The following FAM161B variants were observed in gnomAD, a reference collection of about 807,000 sequenced individuals.
FAM161B encodes FAM161 centrosomal protein B.
A neutral mutation model predicts 61.5 loss-of-function variants in FAM161B; 46 were observed. That is an observed-to-expected ratio of 0.75 (90% confidence interval 0.59 to 0.96). The LOEUF (loss-of-function observed/expected upper bound fraction) is 0.96, where lower values mean the gene tolerates loss of function less well. Ranked by LOEUF, FAM161B falls within the 40% of genes least tolerant of loss-of-function variation. The pLI is 0.00. For missense variants in FAM161B, 774 were observed against 800.7 expected, an observed-to-expected ratio of 0.97 and a Z score of 0.40; for synonymous variants, 284 against 302.7, an observed-to-expected ratio of 0.94 and a Z score of 0.64.
Position 73,950,094 on chromosome 14 carries a change from T to C in FAM161B, c.-68A>G. The C allele has an allele frequency of 1.2e-6, 2 of 1,604,800 alleles. No individual in the cohort carries two copies. The highest frequency in any genetic ancestry group is 1.7e-6 in the Non-Finnish European group (2 of 1,179,930). Reference sequence around the variant, plus strand: ...GCAGCAGCGGTGGCAGCGAGAGCTATGCGGGGCCAGGGTCCACCCCTTTCT... The same window carrying C: ...GCAGCAGCGGTGGCAGCGAGAGCTACGCGGGGCCAGGGTCCACCCCTTTCT... On this transcript the variant is annotated 5_prime_UTR_variant, in exon 1 of 9. Coordinates refer to ENST00000286544, the MANE Select transcript of FAM161B (RefSeq NM_152445.3).
chr14:73,926,011 G>A, the FAM161B span, among the ~76,000 whole-genome samples: 5 of 152,290 alleles, frequency 3.3e-5, no homozygotes, highest in East Asian at 9.6e-4. Flanking sequence ...TCCAGCCTGG[G>A]TGACAGAGTG....
chr14:73,948,708 G>A (rs1017872744), intron 1 of FAM161B, among the ~76,000 whole-genome samples: 2 of 152,010 alleles, frequency 1.3e-5, no homozygotes, highest in Admixed American at 6.6e-5. Flanking sequence ...CACCTTCATC[G>A]CCCTTAAAAG....
intron 1 of FAM161B, among the ~76,000 whole-genome samples, chr14:73,948,093 T>C (rs2056082130): frequency 6.6e-6 from 1 of 152,046 alleles, no homozygotes; most frequent in African/African-American, 2.4e-5. Flanking sequence ...CTGGCTAGTT[T>C]TTGTATTTTT....
chr14:73,948,760 C>T (rs756203076), intron 1 of FAM161B, among the ~76,000 whole-genome samples: 1 of 152,110 alleles, frequency 6.6e-6, no homozygotes, highest in Non-Finnish European at 1.5e-5. Flanking sequence ...TTTCCCCTAA[C>T]CCTCCACACC....
chr14:73,927,841 TTTTTTTTAA>T (rs1203190554), downstream of FAM161B: 6 of 153,718 alleles, frequency 3.9e-5, no homozygotes, highest in South Asian at 9.2e-4. Context: ...AATTTTTTTT[TTTTTTTTAA>T]TTTTTTAGAC....
At chr14:73,941,110 T>C (rs2056014760) in intron 4 of FAM161B, 57 bp from the exon 5 acceptor site, 6 of 204,460 alleles carry the variant, frequency 2.9e-5, no homozygotes, top group Non-Finnish European at 4.4e-5. Flanking sequence ...GTTTCTATCT[T>C]TTTTTTTTTT....
At chr14:73,939,133 C>T (rs1353882801) in intron 5 of FAM161B, among the ~76,000 whole-genome samples, 1 of 151,882 alleles carries the variant, frequency 6.6e-6, no homozygotes, top group Non-Finnish European at 1.5e-5. Flanking sequence ...CCTGTCTCTA[C>T]CAAAACTACA....
At chr14:73,936,192 C>T in intron 7 of FAM161B, 104 bp from the exon 8 acceptor site, 1 of 1,275,222 alleles carries the variant, frequency 7.8e-7, no homozygotes, top group Non-Finnish European at 1.1e-6. Context: ...CACCACCACC[C>T]TTATTGTGGG....
At chr14:73,940,791 C>T in intron 5 of FAM161B, 135 bp downstream of exon 5, 2 of 1,285,770 alleles carry the variant, frequency 1.6e-6, no homozygotes, top group Non-Finnish European at 2.1e-6. Context: ...CGCAATTGTT[C>T]CAGTCCTGAT....
chr14:73,929,649 C>A (rs961554233), downstream of FAM161B, among the ~76,000 whole-genome samples: 1 of 151,796 alleles, frequency 6.6e-6, no homozygotes, highest in Non-Finnish European at 1.5e-5. Context: ...CCAGCCTGGG[C>A]AACACAGGAA....
chr14:73,946,467 C>T lies in FAM161B; in HGVS notation c.193G>A (p.Gly65Arg). 1 of 1,614,166 alleles carries T rather than the reference C, an allele frequency of 6.2e-7. No homozygotes were observed. The highest frequency in any genetic ancestry group is 1.3e-5 in the African/African-American group (1 of 75,032). Residue 65 changes from glycine to arginine, a missense_variant, in exon 2 of 9, where the codon GGG becomes AGG. By Grantham distance (125) the Gly-to-Arg change is moderately radical (BLOSUM62 -2). Transcript: ENST00000286544. ...TCCTGTAAGTTCTGGTAAATGCTCCCAGTTGAGTCAGAAGTAGAATCTATC... is the reference window on the plus strand; with the variant it reads ...TCCTGTAAGTTCTGGTAAATGCTCCTAGTTGAGTCAGAAGTAGAATCTATC... ...EEIDSTSDSTGSIYQNLQELK... is the reference protein window; with the variant it reads ...EEIDSTSDSTRSIYQNLQELK...
At chr14:73,923,632 C>A in the FAM161B span, 1 of 1,398,938 alleles carries the variant, frequency 7.1e-7, no homozygotes, top group Non-Finnish European at 9.7e-7. Flanking sequence ...AACTTTGGCA[C>A]GAATATTTTC....
chr14:73,944,198 C>T, intron 3 of FAM161B, 137 bp downstream of exon 3: 1 of 1,392,716 alleles, frequency 7.2e-7, no homozygotes, highest in Non-Finnish European at 9.8e-7. Context: ...ATGGCCTGCA[C>T]TAAGCGTGCA....
chr14:73,948,756 CT>C (rs745488237), intron 1 of FAM161B, among the ~76,000 whole-genome samples: 2 of 152,288 alleles, frequency 1.3e-5, no homozygotes, highest in South Asian at 2.1e-4. Context: ...CCTATTTCCC[CT>C]AACCCTCCAC....
chr14:73,925,617 A>G, the FAM161B span, among the ~76,000 whole-genome samples: 9,120 of 152,054 alleles, frequency 0.06, 354 homozygotes, highest in African/African-American at 0.11. Flanking sequence ...TATTAGAGAT[A>G]GGGTTTTACC....
In FAM161B at chr14:73,942,227, A is replaced by G. The variant is rs528574477; in HGVS notation, c.1272+142T>C. The G allele has an allele frequency of 2.2e-4, 179 of 804,164 alleles. 2 individuals carry two copies. The South Asian group carries it at 2.8e-3, about 13-fold the overall frequency. The allele number at this position is 804,164 out of a possible 1,614,324, so 49.8% of individuals were successfully genotyped here. On this transcript the variant is annotated intron_variant, in intron 4 of 8. Coordinates refer to ENST00000286544, the MANE Select transcript of FAM161B (RefSeq NM_152445.3). ...TGGGCTGTGGTCTGGAGTTTATAGG[A>G]AAGTGAATCTGCTTACAACTGAGCT...
Position 73,946,450 on chromosome 14 carries a change from GT to G in FAM161B, c.209del (p.Asn70ThrfsTer5), listed in dbSNP as rs768383072. ...TSDSTGSIYQ[N>X]LQELKQKGRW... ...TCCCTTTCTGCTTCAGTTCCTGTAA[GT>G]TCTGGTAAATGCTCCCAGTTGAGTC... On this transcript the variant is annotated frameshift_variant, in exon 2 of 9. Transcript: ENST00000286544. LOFTEE classifies it high-confidence loss of function. The G allele has an allele frequency of 6.2e-7, 1 of 1,614,186 alleles. No individual in the cohort carries two copies. The highest frequency in any genetic ancestry group is 8.5e-7 in the Non-Finnish European group (1 of 1,180,050).
chr14:73,933,836 TTC>T lies in FAM161B; in HGVS notation c.*418_*419del, dbSNP rs1491211931. ...CTCTGTTATCTGCTGCTCTTTTTTT[TTC>T]TCAGACAGAGTTTTGCTCTGCTGCC... On this transcript the variant is annotated 3_prime_UTR_variant, in exon 9 of 9. Transcript: ENST00000286544. 1 of 154,956 alleles carries T rather than the reference TTC, an allele frequency of 6.5e-6. No homozygotes were observed. Among genetic ancestry groups the T allele is most frequent in the African/African-American group, 2.4e-5 (1 of 41,482 alleles). The allele number at this position is 154,956 out of a possible 1,614,324, so 9.6% of individuals were successfully genotyped here.
At chr14:73,949,821 C>CTGTA (rs2056117369) in intron 1 of FAM161B, 152 bp downstream of exon 1, 1 of 1,118,726 alleles carries the variant, frequency 8.9e-7, no homozygotes, top group African/African-American at 1.6e-5. Context: ...AGGTTCAGGT[C>CTGTA]TGTAAGTCAG....
Sources: gnomAD v4.1 joint callset for allele counts (sites outside exome capture counted in the v4.1 genomes callset) on GRCh38, gnomAD v4.1.1 for gene constraint, MANE v1.5 for transcripts, NCBI Gene and HGNC (gene_info 2026-07-23, HGNC 2026-07-21) for gene names.